NDST3: variants seen among roughly 807,000 people sequenced by gnomAD.
NDST3 encodes N-deacetylase and N-sulfotransferase 3.
A neutral mutation model predicts 96.1 loss-of-function variants in NDST3; 58 were observed. The observed-to-expected ratio is 0.60, with a 90% CI of 0.49 to 0.75. The LOEUF (loss-of-function observed/expected upper bound fraction) is 0.75, where lower values mean the gene tolerates loss of function less well. Among genes scored for constraint, NDST3 ranks in the 30% least tolerant of loss-of-function variants. The pLI is 0.00. For missense variants in NDST3, 788 were observed against 1,034.2 expected, an observed-to-expected ratio of 0.76 and a Z score of 3.27; for synonymous variants, 333 against 359.7, an observed-to-expected ratio of 0.93 and a Z score of 0.84.
intron 2 of NDST3, among the ~76,000 whole-genome samples, chr4:118,100,984 T>A (rs901078795): frequency 6.6e-6 from 1 of 152,182 alleles, no homozygotes; most frequent in Non-Finnish European, 1.5e-5. Flanking sequence ...TATTTCTAAA[T>A]AGTATATGAT....
chr4:118,254,262 A>ATT (rs1163980230), intron 13 of NDST3, among the ~76,000 whole-genome samples: 1 of 150,962 alleles, frequency 6.6e-6, no homozygotes, highest in Non-Finnish European at 1.5e-5. Flanking sequence ...AAAAAAAAAA[A>ATT]AATCCTATTT....
intron 4 of NDST3, among the ~76,000 whole-genome samples, chr4:118,122,718 C>A (rs1445230823): frequency 1.3e-5 from 2 of 152,158 alleles, no homozygotes; most frequent in Non-Finnish European, 2.9e-5. Flanking sequence ...CCTTACGGTT[C>A]AGTGAGAAAG....
chr4:118,191,015 AAG>A (rs1737268376), intron 6 of NDST3, among the ~76,000 whole-genome samples: 1 of 152,218 alleles, frequency 6.6e-6, no homozygotes, highest in South Asian at 2.1e-4. Flanking sequence ...CCAGTTTTTA[AAG>A]AGTTTTTCTT....
intron 9 of NDST3, among the ~76,000 whole-genome samples, chr4:118,233,741 A>C (rs1266244847): frequency 1.3e-5 from 2 of 152,364 alleles, no homozygotes; most frequent in African/African-American, 2.4e-5. Context: ...TAGTAGAGAT[A>C]GATGGTACAA....
intron 6 of NDST3, among the ~76,000 whole-genome samples, chr4:118,165,217 A>G (rs1434952890): frequency 6.6e-6 from 1 of 152,016 alleles, no homozygotes; most frequent in African/African-American, 2.4e-5. Context: ...TCACAGGCTG[A>G]AAGTGAAAGC....
At chr4:118,120,905 TTAATGTAGCCAA>T (rs1357602326) in intron 4 of NDST3, among the ~76,000 whole-genome samples, 3 of 152,230 alleles carry the variant, frequency 2.0e-5, no homozygotes, top group Non-Finnish European at 4.4e-5. Flanking sequence ...TTTACTTCTA[TTAATGTAGCCAA>T]AGATCACATT....
chr4:118,162,869 T>C (rs1280004791), intron 6 of NDST3, among the ~76,000 whole-genome samples: 1 of 148,538 alleles, frequency 6.7e-6, no homozygotes, highest in Non-Finnish European at 1.5e-5. Flanking sequence ...AGGGCTAATA[T>C]CCAGAATCTA....
intron 4 of NDST3, among the ~76,000 whole-genome samples, chr4:118,129,485 G>A (rs766237051): frequency 5.9e-5 from 9 of 151,798 alleles, no homozygotes; most frequent in Non-Finnish European, 1.2e-4. Flanking sequence ...TTTCCATTGA[G>A]TTTGTATAGT....
intron 2 of NDST3, among the ~76,000 whole-genome samples, chr4:118,065,037 A>G (rs998918162): frequency 1.3e-5 from 2 of 152,160 alleles, no homozygotes; most frequent in Non-Finnish European, 2.9e-5. Flanking sequence ...GATAATCCAG[A>G]ATAATCTCCC....
chr4:118,158,184 T>C (rs1208257893), intron 6 of NDST3, among the ~76,000 whole-genome samples: 1 of 152,192 alleles, frequency 6.6e-6, no homozygotes, highest in Non-Finnish European at 1.5e-5. Flanking sequence ...TGACACTTAG[T>C]AGCAAAGAGC....
intron 2 of NDST3, 152 bp downstream of exon 2, chr4:118,055,043 T>A (rs757351321): frequency 3.4e-6 from 3 of 885,238 alleles, no homozygotes; most frequent in Non-Finnish European, 5.4e-6. Context: ...CTAAATCAAC[T>A]AAGAAGATTA....
chr4:118,233,144 G>A lies in NDST3; in HGVS notation c.1943+9G>A. 6.2e-7 allele frequency: 1 copy of A among 1,607,884 alleles called. No homozygotes were observed. Among genetic ancestry groups the A allele is most frequent in the Non-Finnish European group, 8.5e-7 (1 of 1,175,152 alleles). ...CACAGGGGGATTGATTGGTAAGATG[G>A]GTTATTAGTATAAATCTAAAAGTAT... On this transcript the variant is annotated intron_variant, in intron 9 of 13. Transcript: ENST00000296499.
At chr4:118,168,353 TAAAA>T (rs1437541959) in intron 6 of NDST3, among the ~76,000 whole-genome samples, 1 of 151,962 alleles carries the variant, frequency 6.6e-6, no homozygotes, top group African/African-American at 2.4e-5. Context: ...TATAGATGTT[TAAAA>T]AAGTCACTAA....
At chr4:118,213,859 T>G (rs907452197) in intron 6 of NDST3, among the ~76,000 whole-genome samples, 31 of 152,024 alleles carry the variant, frequency 2.0e-4, no homozygotes, top group African/African-American at 7.5e-4. Flanking sequence ...AAAGATCACT[T>G]ATGATATAGA....
chr4:118,044,866 T>C (rs75466047), intron 1 of NDST3, among the ~76,000 whole-genome samples: 2,197 of 152,196 alleles, frequency 0.014, 59 homozygotes, highest in African/African-American at 0.047. Flanking sequence ...ATGACACTCT[T>C]GAGATAAGTA....
chr4:118,069,241 C>G (rs1009558501), intron 2 of NDST3, among the ~76,000 whole-genome samples: 6 of 151,188 alleles, frequency 4.0e-5, no homozygotes, highest in Non-Finnish European at 8.9e-5. Flanking sequence ...GGGGAAGGAA[C>G]AGAGAGAGAG....
At chr4:118,057,549 A>T (rs181835034) in intron 2 of NDST3, among the ~76,000 whole-genome samples, 5 of 152,204 alleles carry the variant, frequency 3.3e-5, no homozygotes, top group Admixed American at 3.3e-4. Context: ...ATATCCCTTG[A>T]ATAAGAGTTT....
chr4:118,189,028 C>T (rs573469693), intron 6 of NDST3, among the ~76,000 whole-genome samples: 1 of 152,106 alleles, frequency 6.6e-6, no homozygotes, highest in East Asian at 1.9e-4. Context: ...AATTTTAGAA[C>T]ATATATTAAT....
Position 118,034,587 on chromosome 4 carries a change from T to G in NDST3, c.-161T>G, listed in dbSNP as rs932090505. The stretch of plus-strand genomic sequence containing the variant: ...AAGCATTTTCAGCTCTGAACTTTAA[T>G]TCCAGGTAAGTGTATTTATTTATTT... On this transcript the variant is annotated 5_prime_UTR_variant, in exon 1 of 14. Transcript: ENST00000296499. 2 of 152,224 alleles carry G rather than the reference T, an allele frequency of 1.3e-5. No individual in the cohort carries two copies. The highest frequency in any genetic ancestry group is 4.8e-5 in the African/African-American group (2 of 41,460). The allele number at this position is 152,224 out of a possible 1,614,324, so 9.4% of individuals were successfully genotyped here. A position where few individuals can be genotyped will look rare whatever the true frequency, so the allele number is the denominator to read the frequency against.
Sources: gnomAD v4.1 joint callset for allele counts (sites outside exome capture counted in the v4.1 genomes callset) on GRCh38, gnomAD v4.1.1 for gene constraint, MANE v1.5 for transcripts, NCBI Gene and HGNC (gene_info 2026-07-23, HGNC 2026-07-21) for gene names.